MFHAS1: variants seen among roughly 807,000 people sequenced by gnomAD.
The protein encoded by MFHAS1 is multifunctional ROCO family signaling regulator 1.
MFHAS1 carries 50 observed loss-of-function variants against 70.4 expected under a neutral mutation model. That is an observed-to-expected ratio of 0.71 (90% CI 0.57 to 0.90). The LOEUF (loss-of-function observed/expected upper bound fraction) is 0.90. Among genes scored for constraint, MFHAS1 ranks in the 40% least tolerant of loss-of-function variants. The probability of loss-of-function intolerance (pLI) is 0.00; values close to 1 mark genes in which losing one functional copy is unlikely to be tolerated. For missense variants in MFHAS1, 1,795 were observed against 1,347.6 expected, an observed-to-expected ratio of 1.33 and a Z score of -5.20; for synonymous variants, 952 against 620.0, an observed-to-expected ratio of 1.54 and a Z score of -7.96.
intron 1 of MFHAS1, among the ~76,000 whole-genome samples, chr8:8,797,961 C>G (rs1476493612): frequency 6.6e-6 from 1 of 152,178 alleles, no homozygotes; most frequent in African/African-American, 2.4e-5. Flanking sequence ...ACACAGCAGA[C>G]TAAAAGTGTT....
At chr8:8,832,534 G>A (rs760662354) in intron 1 of MFHAS1, among the ~76,000 whole-genome samples, 2 of 150,018 alleles carry the variant, frequency 1.3e-5, no homozygotes, top group South Asian at 2.1e-4. Context: ...GAAACCTTAC[G>A]AAGATACACA....
rs149013703 is a variant in MFHAS1 at position 8,840,708 on chromosome 8, C to T, written c.2999-43217G>A. On this transcript the variant is annotated intron_variant, in intron 1 of 2. Transcript: ENST00000276282. ...AGGAACAAGTCCATTAGTTAGATGC[C>T]GTTGGTTCTTAGAATCCCTGTCCCC... is the stretch of plus-strand genomic sequence containing the variant. Among the ~76,000 whole-genome samples the T allele has an allele frequency of 1.8e-4, 28 of 152,216 alleles. No homozygotes were observed. In the East Asian group the frequency reaches 5.4e-3, roughly 29 times the overall value.
rs999046722 is a variant in MFHAS1, at chr8:8,783,680, G to A, written c.*2342C>T. On this transcript the variant is annotated 3_prime_UTR_variant, in exon 3 of 3. Coordinates refer to ENST00000276282, the MANE Select transcript of MFHAS1 (RefSeq NM_004225.3). ...ACCCTAACAAACTTGGAGGGCATTT[G>A]TTTGAGAGGCAAGGGACGCCTTGCT... 3.3e-5 allele frequency: 5 copies of A among 152,178 alleles called. No individual in the cohort carries two copies. The highest frequency in any genetic ancestry group is 1.2e-4 in the African/African-American group (5 of 41,438). The allele number at this position is 152,178 out of a possible 1,614,324, so 9.4% of individuals were successfully genotyped here.
At chr8:8,797,076 G>A (rs1411061819) in intron 2 of MFHAS1, among the ~76,000 whole-genome samples, 1 of 150,534 alleles carries the variant, frequency 6.6e-6, no homozygotes, top group Non-Finnish European at 1.5e-5. Context: ...TGTACACTTA[G>A]GTAAGTGAAC....
chr8:8,857,185 A>G (rs1808476407), intron 1 of MFHAS1, among the ~76,000 whole-genome samples: 1 of 152,278 alleles, frequency 6.6e-6, no homozygotes, highest in Non-Finnish European at 1.5e-5. Context: ...TCAAAGCAAT[A>G]AAGATTTAAA....
chr8:8,798,392 C>T (rs1805979386), intron 1 of MFHAS1, among the ~76,000 whole-genome samples: 1 of 152,176 alleles, frequency 6.6e-6, no homozygotes, highest in African/African-American at 2.4e-5. Flanking sequence ...GTGGCCTAAT[C>T]ACAGCTCTCT....
intron 1 of MFHAS1, among the ~76,000 whole-genome samples, chr8:8,831,207 A>G (rs1438117184): frequency 6.6e-6 from 1 of 151,670 alleles, no homozygotes; most frequent in African/African-American, 2.4e-5. Flanking sequence ...CACCCTCATG[A>G]TCTCATTTAA....
intron 1 of MFHAS1, among the ~76,000 whole-genome samples, chr8:8,887,265 C>G (rs910729654): frequency 1.3e-5 from 2 of 152,182 alleles, no homozygotes; most frequent in African/African-American, 2.4e-5. Flanking sequence ...TACTTAAACA[C>G]TCAACATAAT....
rs375027432 is a variant in MFHAS1, at chr8:8,891,032, G to A, written c.2027C>T (p.Ala676Val). 33 of 1,613,618 alleles carry A rather than the reference G, an allele frequency of 2.0e-5. No homozygotes were observed. The African/African-American group carries it at 3.9e-4, about 19-fold the overall frequency. The change falls in exon 1 of 3, where the codon GCC becomes GTC. Residue 676 changes from alanine (A) to valine (V), a missense_variant. Transcript: ENST00000276282. The surrounding 1 kb of genome is among the most constrained non-coding windows in gnomAD (Gnocchi z 5.4). ...CCACCAGCTTAGCCACAGTCGCTGG[G>A]CCTGAGGTGGCTGGAAATGCAGTTC... ...LEELHFQPPQ[A>V]QRLWLSWWDS... is the part of the protein sequence containing the mutation.
At chr8:8,796,549 T>C (rs1805901873) in intron 2 of MFHAS1, among the ~76,000 whole-genome samples, 1 of 147,028 alleles carries the variant, frequency 6.8e-6, no homozygotes, top group South Asian at 2.1e-4. Context: ...CCGGGCGCGG[T>C]GGCGGGCGCC....
chr8:8,833,456 C>G (rs752006064), intron 1 of MFHAS1, among the ~76,000 whole-genome samples: 1 of 151,918 alleles, frequency 6.6e-6, no homozygotes, highest in Non-Finnish European at 1.5e-5. Flanking sequence ...CAGGGAGACC[C>G]CATGTCTACA....
rs148631416 is a variant in MFHAS1, at chr8:8,891,891, G to A, written c.1168C>T (p.Pro390Ser). ...TCCTTCTGGTAGGCTGCGATGTAGG[G>A]GATCCCCTTCATGCAGACCTCGTAG... ...PPYEVCMKGIPYIAAYQKELA... is the reference protein window; with the variant it reads ...PPYEVCMKGISYIAAYQKELA... The change falls in exon 1 of 3, where the codon CCC (proline) becomes TCC (serine). Residue 390 changes from proline to serine, a missense_variant. Pro to Ser is a moderately conservative substitution (Grantham distance 74, BLOSUM62 -1). Coordinates refer to ENST00000276282, the MANE Select transcript of MFHAS1 (RefSeq NM_004225.3). The surrounding 1 kb of genome is among the most constrained non-coding windows in gnomAD (Gnocchi z 5.4). 52 of 1,611,408 alleles carry A rather than the reference G, an allele frequency of 3.2e-5. No homozygotes were observed. Among genetic ancestry groups the A allele is most frequent in the Non-Finnish European group, 3.9e-5 (46 of 1,178,766 alleles).
intron 1 of MFHAS1, among the ~76,000 whole-genome samples, chr8:8,831,850 C>T (rs1047740172): frequency 1.3e-5 from 2 of 151,938 alleles, no homozygotes; most frequent in African/African-American, 4.8e-5. Flanking sequence ...TCACGTGATC[C>T]GTCTGCCTGC....
intron 1 of MFHAS1, among the ~76,000 whole-genome samples, chr8:8,874,801 A>G (rs1219823502): frequency 6.6e-6 from 1 of 152,120 alleles, no homozygotes; most frequent in Non-Finnish European, 1.5e-5. Context: ...AAGGTTTTTA[A>G]AGCAAAGAGG....
At chr8:8,810,238 C>G (rs1186659787) in intron 1 of MFHAS1, among the ~76,000 whole-genome samples, 1 of 152,186 alleles carries the variant, frequency 6.6e-6, no homozygotes, top group African/African-American at 2.4e-5. Flanking sequence ...TGGTGGTGGG[C>G]ACCTGTAATC....
chr8:8,826,862 T>C (rs1225648399), intron 1 of MFHAS1, among the ~76,000 whole-genome samples: 1 of 152,184 alleles, frequency 6.6e-6, no homozygotes, highest in Non-Finnish European at 1.5e-5. Context: ...GCCATCTTGC[T>C]GCCATAAGGA....
chr8:8,854,688 A>C (rs1478523833), intron 1 of MFHAS1, among the ~76,000 whole-genome samples: 1 of 128,004 alleles, frequency 7.8e-6, no homozygotes, highest in Non-Finnish European at 1.7e-5. Flanking sequence ...TTGTCTCAAA[A>C]AAAAAAAAAG....
intron 1 of MFHAS1, among the ~76,000 whole-genome samples, chr8:8,851,791 T>G (rs966773295): frequency 6.6e-6 from 1 of 152,118 alleles, no homozygotes; most frequent in Non-Finnish European, 1.5e-5. Context: ...AAAGTAATAG[T>G]AAACTAAGGT....
intron 1 of MFHAS1, among the ~76,000 whole-genome samples, chr8:8,813,475 C>T (rs906209126): frequency 2.6e-5 from 4 of 152,082 alleles, no homozygotes; most frequent in East Asian, 1.9e-4. Context: ...TCTTCCAGTG[C>T]GACAAGATGT....
Sources: allele counts gnomAD v4.1 joint callset (sites outside exome capture counted in the v4.1 genomes callset), GRCh38; gene constraint gnomAD v4.1.1; non-coding constraint Gnocchi (gnomAD v3.1); transcripts MANE v1.5; gene names NCBI Gene and HGNC (gene_info 2026-07-23, HGNC 2026-07-21).